Variants in KPNA1 observed in about 807,000 individuals in gnomAD.
The protein encoded by KPNA1 is karyopherin subunit alpha 1, also known as importin subunit alpha-5.
KPNA1 carries 10 observed loss-of-function variants against 70.5 expected under a neutral mutation model. The observed-to-expected ratio is 0.14, with a 90% CI of 0.09 to 0.24. KPNA1 has a LOEUF of 0.24. Ranked by LOEUF, KPNA1 falls within the 10% of genes least tolerant of loss-of-function variation. KPNA1 has a pLI of 1.00. For missense variants in KPNA1, 397 were observed against 637.9 expected (o/e 0.62, Z 4.07); for synonymous variants, 192 against 221.9 (o/e 0.87, Z 1.20).
chr3:122,472,600 G>A (rs1210698631), intron 2 of KPNA1, among the ~76,000 whole-genome samples: 1 of 152,068 alleles, frequency 6.6e-6, no homozygotes, highest in Non-Finnish European at 1.5e-5. Context: ...CAATGTAACT[G>A]AAAACAGGAA....
In KPNA1 at chr3:122,476,416, G is replaced by T. The variant is rs1288280315; in HGVS notation, c.130-8987C>A. On this transcript the variant is annotated intron_variant, in intron 2 of 13. Transcript: ENST00000344337. ...AAAGCACAGGCAACAAAAGCAGGGC[G>T]ACAAATGGGGTTACAACAAACTTTT... Among the ~76,000 whole-genome samples, 4 of 152,080 alleles carry T rather than the reference G, an allele frequency of 2.6e-5. No homozygotes were observed. In the East Asian group the frequency reaches 7.7e-4, roughly 29 times the overall value.
chr3:122,427,489 T>A, intron 13 of KPNA1, 49 bp downstream of exon 13: 1 of 1,551,512 alleles, frequency 6.4e-7, no homozygotes. Flanking sequence ...ACTCTATCTA[T>A]GACCCAATTC....
chr3:122,500,547 G>T (rs563992908), intron 1 of KPNA1, among the ~76,000 whole-genome samples: 29 of 151,858 alleles, frequency 1.9e-4, no homozygotes, highest in African/African-American at 7.0e-4. Context: ...CCAGGCTGGA[G>T]AGTACAGTGG....
chr3:122,454,918 T>C (rs748245810), intron 5 of KPNA1, among the ~76,000 whole-genome samples: 3 of 152,230 alleles, frequency 2.0e-5, no homozygotes, highest in Non-Finnish European at 2.9e-5. Flanking sequence ...CTTGACTCTT[T>C]AGCTTAATAT....
intron 12 of KPNA1, among the ~76,000 whole-genome samples, chr3:122,430,135 T>C (rs1322322272): frequency 1.3e-5 from 2 of 152,044 alleles, no homozygotes; most frequent in East Asian, 3.9e-4. Flanking sequence ...TTTAATTGTG[T>C]GGTGGCAGGA....
At position 122,433,359 on chromosome 3, in the gene KPNA1, A is replaced by G. The variant is rs148048142; in HGVS notation, c.1250+302T>C. 593 of 250,176 alleles carry G rather than the reference A, an allele frequency of 2.4e-3. 3 individuals are homozygous for G. The highest frequency in any genetic ancestry group is 0.011 in the African/African-American group (517 of 45,228). 15.5% of individuals were successfully genotyped at this position (250,176 alleles called of 1,614,324 possible). ...TGACAAGTAGCTCCAGAGTAGGTTG[A>G]AGCAAGGATTTCTATTGCCTCAAGC... is the stretch of plus-strand genomic sequence containing the variant. On this transcript the variant is annotated intron_variant, in intron 12 of 13. Transcript: ENST00000344337.
At chr3:122,473,977 C>A (rs1428123733) in intron 2 of KPNA1, among the ~76,000 whole-genome samples, 2 of 152,020 alleles carry the variant, frequency 1.3e-5, no homozygotes, top group Non-Finnish European at 2.9e-5. Context: ...ATAAAAAAAC[C>A]TCTGGAACTA....
intron 1 of KPNA1, among the ~76,000 whole-genome samples, chr3:122,501,030 CTTTT>C (rs112073834): frequency 3.2e-5 from 4 of 126,876 alleles, no homozygotes; most frequent in Non-Finnish European, 5.0e-5. Context: ...CTTTTCTTTC[CTTTT>C]TTTTTTTTTT....
At chr3:122,439,699 G>A (rs1057473510) in intron 10 of KPNA1, among the ~76,000 whole-genome samples, 12 of 152,168 alleles carry the variant, frequency 7.9e-5, no homozygotes, top group Non-Finnish European at 1.8e-4. Context: ...AATAAATTGA[G>A]AAGAGTAACT....
At chr3:122,469,321 C>T (rs780253907) in intron 2 of KPNA1, among the ~76,000 whole-genome samples, 1 of 152,026 alleles carries the variant, frequency 6.6e-6, no homozygotes, top group South Asian at 2.1e-4. Flanking sequence ...CAAACCTCCA[C>T]GAGCAGGAGA....
At chr3:122,475,189 T>C (rs1487957686) in intron 2 of KPNA1, among the ~76,000 whole-genome samples, 1 of 152,056 alleles carries the variant, frequency 6.6e-6, no homozygotes, top group Non-Finnish European at 1.5e-5. Flanking sequence ...AACAAAAACG[T>C]GTAGCATTTC....
intron 2 of KPNA1, among the ~76,000 whole-genome samples, chr3:122,474,012 T>C (rs1467305777): frequency 6.6e-6 from 1 of 152,126 alleles, no homozygotes; most frequent in Non-Finnish European, 1.5e-5. Flanking sequence ...CAAGGTTACA[T>C]GACAGAAGGT....
chr3:122,476,850 T>C (rs2076503235), intron 2 of KPNA1, among the ~76,000 whole-genome samples: 1 of 57,516 alleles, frequency 1.7e-5, no homozygotes, highest in African/African-American at 6.1e-5. Flanking sequence ...AAAAACAGTA[T>C]GGAGGTTCCA....
chr3:122,467,601 A>C (rs930158096), intron 2 of KPNA1, among the ~76,000 whole-genome samples, 172 bp from the exon 3 acceptor site: 4 of 151,998 alleles, frequency 2.6e-5, no homozygotes, highest in African/African-American at 9.7e-5. Flanking sequence ...CCATAGTCTT[A>C]TAATCAAATA....
intron 2 of KPNA1, among the ~76,000 whole-genome samples, chr3:122,470,466 C>T (rs112902262): frequency 1.3e-5 from 2 of 151,708 alleles, no homozygotes; most frequent in African/African-American, 2.4e-5. Context: ...GAGCCAATAT[C>T]GCACCACTGC....
At chr3:122,468,154 T>C (rs983231706) in intron 2 of KPNA1, among the ~76,000 whole-genome samples, 3 of 151,114 alleles carry the variant, frequency 2.0e-5, no homozygotes, top group Admixed American at 6.6e-5. Flanking sequence ...AACCACAGAG[T>C]AGTGATATCT....
intron 2 of KPNA1, among the ~76,000 whole-genome samples, chr3:122,491,258 T>C (rs186198163): frequency 2.4e-4 from 36 of 152,340 alleles, no homozygotes; most frequent in Admixed American, 1.3e-3. Context: ...CACAGGCAGT[T>C]TGGTACAGCG....
chr3:122,436,016 G>A (rs1257661293), intron 11 of KPNA1, among the ~76,000 whole-genome samples: 1 of 152,184 alleles, frequency 6.6e-6, no homozygotes, highest in Non-Finnish European at 1.5e-5. Context: ...TTACAAAAGT[G>A]AATAGGAGAA....
At chr3:122,456,703 A>C (rs2076268603) in intron 5 of KPNA1, among the ~76,000 whole-genome samples, 1 of 152,244 alleles carries the variant, frequency 6.6e-6, no homozygotes, top group Non-Finnish European at 1.5e-5. Flanking sequence ...AAAAGAAATT[A>C]TTACATCTTA....
Sources: allele counts gnomAD v4.1 joint callset (sites outside exome capture counted in the v4.1 genomes callset), GRCh38; gene constraint gnomAD v4.1.1; transcripts MANE v1.5; gene names NCBI Gene and HGNC (gene_info 2026-07-23, HGNC 2026-07-21).